The following TMEM232 variants were observed in gnomAD, a reference collection of about 807,000 sequenced individuals.
The protein encoded by TMEM232 is transmembrane protein 232.
TMEM232 carries 80 observed loss-of-function variants against 78.8 expected under a neutral mutation model. The ratio of observed to expected loss-of-function variants is 1.01; its 90% CI spans 0.85 to 1.22. The LOEUF (loss-of-function observed/expected upper bound fraction) is 1.22. Ranked by LOEUF, TMEM232 falls within the 50% of genes most tolerant of loss-of-function variation. The pLI is 0.00. For missense variants in TMEM232, 881 were observed against 742.2 expected, an observed-to-expected ratio of 1.19 and a Z score of -2.17; for synonymous variants, 297 against 254.3, an observed-to-expected ratio of 1.17 and a Z score of -1.60.
intron 3 of TMEM232, among the ~76,000 whole-genome samples, chr5:110,394,345 A>G (rs1336354929): frequency 1.3e-5 from 2 of 152,188 alleles, no homozygotes; most frequent in African/African-American, 4.8e-5. Context: ...CCTTTATGAA[A>G]TCATCTGTTG....
intron 3 of TMEM232, among the ~76,000 whole-genome samples, chr5:110,391,320 T>TGAGAGAGA (rs1433740681): frequency 1.1e-4 from 16 of 139,452 alleles, no homozygotes; most frequent in African/African-American, 4.8e-4. Flanking sequence ...TGTGTGTGTG[T>TGAGAGAGA]GTGTGTGAGA....
Position 110,667,319 on chromosome 5 carries a change from T to TAATC in TMEM232, c.30_33dup (p.Asn12AspfsTer2), listed in dbSNP as rs766943754. 4 of 1,533,910 alleles carry TAATC rather than the reference T, an allele frequency of 2.6e-6. No individual in the cohort carries two copies. ...GGGGAAGATATGCCTCCACATGTAT[T>TAATC]AATCATAGGTGATTTGTTAACAGGC... On this transcript the variant is annotated frameshift_variant, in exon 2 of 14. Transcript: ENST00000455884. LOFTEE classifies it high-confidence loss of function.
chr5:110,720,184 G>A (rs958295014), intron 1 of TMEM232, among the ~76,000 whole-genome samples: 1 of 152,106 alleles, frequency 6.6e-6, no homozygotes, highest in Non-Finnish European at 1.5e-5. Context: ...TCTAGGAGCT[G>A]AGCAGAGCAG....
At chr5:110,478,111 T>C (rs931291658) in intron 12 of TMEM232, among the ~76,000 whole-genome samples, 1 of 151,958 alleles carries the variant, frequency 6.6e-6, no homozygotes, top group African/African-American at 2.4e-5. Flanking sequence ...TTTATTCTTA[T>C]GTATTCACAG....
intron 5 of TMEM232, among the ~76,000 whole-genome samples, chr5:110,636,924 T>A (rs975770491): frequency 6.6e-6 from 1 of 152,036 alleles, no homozygotes; most frequent in Non-Finnish European, 1.5e-5. Context: ...ATATGCTCCA[T>A]GCATAAAACT....
chr5:110,389,849 C>T (rs982843936), intron 4 of TMEM232, among the ~76,000 whole-genome samples: 7 of 152,156 alleles, frequency 4.6e-5, no homozygotes, highest in Non-Finnish European at 7.3e-5. Context: ...TTCTTTGCTA[C>T]GGTGAAATTC....
chr5:110,730,635 G>A (rs964227436), upstream of TMEM232, among the ~76,000 whole-genome samples: 2 of 152,100 alleles, frequency 1.3e-5, no homozygotes, highest in African/African-American at 2.4e-5. Flanking sequence ...ATAAAAATGA[G>A]GAGGAAGTAA....
intron 12 of TMEM232, among the ~76,000 whole-genome samples, chr5:110,493,047 C>G (rs1448498772): frequency 2.0e-5 from 3 of 151,850 alleles, no homozygotes; most frequent in East Asian, 1.9e-4. Flanking sequence ...ACTTTTCTAC[C>G]TGTCCTAAAT....
intron 1 of TMEM232, among the ~76,000 whole-genome samples, chr5:110,677,164 A>AT (rs1792129156): frequency 6.6e-6 from 1 of 152,080 alleles, no homozygotes; most frequent in Non-Finnish European, 1.5e-5. Flanking sequence ...ATCTTTTCAT[A>AT]TATCTATTGG....
intron 1 of TMEM232, among the ~76,000 whole-genome samples, chr5:110,726,084 C>G (rs1461878582): frequency 6.8e-6 from 1 of 148,028 alleles, no homozygotes; most frequent in African/African-American, 2.6e-5. Flanking sequence ...TATTACACAT[C>G]TCCAATATAC....
At chr5:110,632,691 A>C (rs374732387) in intron 5 of TMEM232, among the ~76,000 whole-genome samples, 119 of 152,254 alleles carry the variant, frequency 7.8e-4, no homozygotes, top group African/African-American at 2.8e-3. Flanking sequence ...CTTTTGATAT[A>C]ACTTGGAGAA....
intron 2 of TMEM232, among the ~76,000 whole-genome samples, chr5:110,648,901 G>A (rs1024045031): frequency 4.6e-5 from 7 of 152,020 alleles, no homozygotes; most frequent in Admixed American, 4.6e-4. Context: ...ACAGTCATTT[G>A]GAGTAGCTAC....
chr5:110,737,907 T>C (rs1276630140), intron 1 of TMEM232: 1 of 153,846 alleles, frequency 6.5e-6, no homozygotes, highest in Non-Finnish European at 1.5e-5. Flanking sequence ...TTTAAGAATG[T>C]CAATTCGTTA....
At chr5:110,412,569 T>C (rs948098216) in intron 2 of TMEM232, among the ~76,000 whole-genome samples, 5 of 102,570 alleles carry the variant, frequency 4.9e-5, no homozygotes, top group African/African-American at 2.5e-4. Context: ...GCCAAACTCT[T>C]TTTTTTTTTT....
At chr5:110,622,141 G>A (rs562598201) in intron 7 of TMEM232, among the ~76,000 whole-genome samples, 41 of 152,216 alleles carry the variant, frequency 2.7e-4, no homozygotes, top group South Asian at 1.2e-3. Context: ...ATAGGATAAT[G>A]CTCCTAATTT....
At position 110,455,674 on chromosome 5, in the gene TMEM232, G is replaced by A. The variant is rs151043071; in HGVS notation, c.1704-30758C>T. Among the ~76,000 whole-genome samples, 577 of 152,092 alleles carry A rather than the reference G, an allele frequency of 3.8e-3. 9 individuals carry two copies. Among genetic ancestry groups the A allele is most frequent in the Admixed American group, 0.032 (486 of 15,264 alleles). ...ATTACAGGCATAAGCCACCGCACCC[G>A]GCCCATGTAGATATAAACTTTTAAA... is the stretch of plus-strand genomic sequence containing the variant. On this transcript the variant is annotated intron_variant, in intron 12 of 13. Coordinates refer to ENST00000455884, the MANE Select transcript of TMEM232 (RefSeq NM_001039763.4).
intron 11 of TMEM232, among the ~76,000 whole-genome samples, chr5:110,553,827 G>A (rs1177870591): frequency 1.3e-5 from 2 of 152,044 alleles, no homozygotes; most frequent in Non-Finnish European, 2.9e-5. Flanking sequence ...CAGGTAAATT[G>A]TTCAATATAA....
chr5:110,555,598 T>C (rs1274967659), intron 11 of TMEM232, among the ~76,000 whole-genome samples: 2 of 152,194 alleles, frequency 1.3e-5, no homozygotes. Context: ...CAGTGGAGTG[T>C]TGAAGTCTCT....
chr5:110,412,127 A>G (rs550791884), intron 2 of TMEM232, among the ~76,000 whole-genome samples: 39 of 152,290 alleles, frequency 2.6e-4, no homozygotes, highest in Non-Finnish European at 4.9e-4. Context: ...GTTTTCAAGG[A>G]TATTAGTGTA....
Sources: gnomAD v4.1 joint callset for allele counts (sites outside exome capture counted in the v4.1 genomes callset) on GRCh38, gnomAD v4.1.1 for gene constraint, MANE v1.5 for transcripts, NCBI Gene and HGNC (gene_info 2026-07-23, HGNC 2026-07-21) for gene names.